Variants in B3GLCT observed in about 807,000 individuals in gnomAD.
The protein encoded by B3GLCT is beta 3-glucosyltransferase, also known as beta-1,3-glucosyltransferase.
A neutral mutation model predicts 63.4 loss-of-function variants in B3GLCT; 65 were observed. The ratio of observed to expected loss-of-function variants is 1.03; its 90% CI spans 0.84 to 1.26. The LOEUF (loss-of-function observed/expected upper bound fraction) is 1.26, where lower values mean the gene tolerates loss of function less well. Ranked by LOEUF, B3GLCT falls within the 50% of genes most tolerant of loss-of-function variation. The probability of loss-of-function intolerance (pLI) is 0.00; values close to 1 mark genes in which losing one functional copy is unlikely to be tolerated. For synonymous variants in B3GLCT, 233 were observed against 219.2 expected (o/e 1.06, Z -0.55); for missense variants, 577 against 604.8 (o/e 0.95, Z 0.48).
At chr13:31,219,751 AAG>A (rs1298148487) in intron 2 of B3GLCT, among the ~76,000 whole-genome samples, 1 of 152,242 alleles carries the variant, frequency 6.6e-6, no homozygotes, top group East Asian at 1.9e-4. Context: ...CTGATAAGAC[AAG>A]AACAATTCCT....
intron 12 of B3GLCT, among the ~76,000 whole-genome samples, chr13:31,292,047 G>T (rs1873686944): frequency 6.6e-6 from 1 of 152,078 alleles, no homozygotes; most frequent in Non-Finnish European, 1.5e-5. Context: ...TTTATCGAAG[G>T]CCTTTTTGCA....
intron 12 of B3GLCT, among the ~76,000 whole-genome samples, chr13:31,298,464 G>A (rs1319767117): frequency 2.0e-5 from 3 of 152,146 alleles, no homozygotes; most frequent in Admixed American, 6.5e-5. Context: ...GAGCGGTCTT[G>A]GCAAACAAAT....
At chr13:31,245,692 T>G (rs1871167944) in intron 4 of B3GLCT, among the ~76,000 whole-genome samples, 1 of 152,230 alleles carries the variant, frequency 6.6e-6, no homozygotes, top group African/African-American at 2.4e-5. Flanking sequence ...TTACCCATAA[T>G]TATTCCAAAG....
intron 12 of B3GLCT, among the ~76,000 whole-genome samples, chr13:31,316,411 A>ATATATATG (rs1875023724): frequency 1.1e-5 from 1 of 94,926 alleles, no homozygotes; most frequent in Non-Finnish European, 2.2e-5. Flanking sequence ...GAGGTTTTAT[A>ATATATATG]TATATATATA....
At chr13:31,289,338 T>A (rs936081026) in intron 12 of B3GLCT, among the ~76,000 whole-genome samples, 1 of 152,090 alleles carries the variant, frequency 6.6e-6, no homozygotes, top group South Asian at 2.1e-4. Context: ...AGGACATAAT[T>A]GATGAAAATG....
At chr13:31,291,162 G>T (rs902901329) in intron 12 of B3GLCT, among the ~76,000 whole-genome samples, 3 of 152,138 alleles carry the variant, frequency 2.0e-5, no homozygotes, top group African/African-American at 7.2e-5. Context: ...TAGATGTGTG[G>T]CATTATTTCT....
At chr13:31,261,113 C>T (rs1274605090) in intron 7 of B3GLCT, 31 bp downstream of exon 7, 8 of 1,519,876 alleles carry the variant, frequency 5.3e-6, no homozygotes, top group African/African-American at 3.0e-5. Flanking sequence ...TTTCGGGGGG[C>T]GGGAGGGGTG....
chr13:31,319,397 C>CCAGCCTCCTAAACTA (rs1875216535), intron 13 of B3GLCT, among the ~76,000 whole-genome samples: 2 of 33,480 alleles, frequency 6.0e-5, no homozygotes, highest in Non-Finnish European at 2.3e-4. Context: ...GTCATAAACT[C>CCAGCCTCCTAAACTA]CCAGCCTCCT....
intron 6 of B3GLCT, among the ~76,000 whole-genome samples, chr13:31,253,734 A>G (rs1259118058): frequency 3.9e-5 from 6 of 152,198 alleles, no homozygotes; most frequent in Admixed American, 6.5e-5. Context: ...AAAAAAATCA[A>G]TGAATCCAGG....
chr13:31,270,341 A>G (rs1160786633), intron 8 of B3GLCT, among the ~76,000 whole-genome samples: 2 of 152,254 alleles, frequency 1.3e-5, no homozygotes, highest in Non-Finnish European at 2.9e-5. Flanking sequence ...CTGACTTCTC[A>G]GCTGTCTTTA....
intron 9 of B3GLCT, among the ~76,000 whole-genome samples, chr13:31,275,903 G>A (rs1023820785): frequency 6.6e-6 from 1 of 152,160 alleles, no homozygotes; most frequent in Non-Finnish European, 1.5e-5. Flanking sequence ...ATGCTTGCTT[G>A]CTCTTTCAGT....
At chr13:31,243,192 A>C (rs902973523) in intron 4 of B3GLCT, among the ~76,000 whole-genome samples, 20 of 152,246 alleles carry the variant, frequency 1.3e-4, no homozygotes, top group Non-Finnish European at 1.5e-5. Flanking sequence ...AGTTTTTTAG[A>C]ACCTTTGCCT....
rs1426612980 is a variant in B3GLCT at position 31,265,853 on chromosome 13, TAGCTAGGAAGTGGGACTGAAAAAGTC to T, written c.597-3349_597-3324del. Reference sequence around the variant, plus strand: ...AGCCTGGAAGTGGGACTGAAAAAGTTAGCTAGGAAGTGGGACTGAAAAAGTCAGCTAGGAAGTAGAATTGAAAAAGT... The same window carrying T: ...AGCCTGGAAGTGGGACTGAAAAAGTTAGCTAGGAAGTAGAATTGAAAAAGT... On this transcript the variant is annotated intron_variant, in intron 7 of 14. Transcript: ENST00000343307. 1.2e-4 allele frequency among the ~76,000 whole-genome samples: 19 copies of T among 152,158 alleles called. No homozygotes were observed. In the South Asian group the frequency reaches 2.3e-3, roughly 18 times the overall value.
At chr13:31,239,216 G>T (rs1412952908) in intron 4 of B3GLCT, among the ~76,000 whole-genome samples, 1 of 152,210 alleles carries the variant, frequency 6.6e-6, no homozygotes, top group Non-Finnish European at 1.5e-5. Context: ...TGAGAGTGGG[G>T]ATGTGGCTGA....
At chr13:31,274,468 C>G in intron 8 of B3GLCT, 41 bp from the exon 9 acceptor site, 1 of 1,613,972 alleles carries the variant, frequency 6.2e-7, no homozygotes, top group South Asian at 1.1e-5. Context: ...CTTGTGTTGA[C>G]TGAGTTCTTT....
rs139271748 is a variant in B3GLCT at position 31,206,940 on chromosome 13, C to G, written c.70+6786C>G. On this transcript the variant is annotated intron_variant, in intron 1 of 14. Transcript: ENST00000343307. ...TCATTTGGCAAATTTTTAAATGCTG[C>G]TGAGGAGACCATAGTCCGTGGAGCA... is the stretch of plus-strand genomic sequence containing the variant. Among the ~76,000 whole-genome samples the G allele has an allele frequency of 2.8e-4, 43 of 152,262 alleles. No individual in the cohort carries two copies. The East Asian group carries it at 7.5e-3, about 27-fold the overall frequency.
chr13:31,221,048 G>C (rs1410610618), intron 2 of B3GLCT, among the ~76,000 whole-genome samples: 2 of 152,250 alleles, frequency 1.3e-5, no homozygotes, highest in African/African-American at 4.8e-5. Flanking sequence ...GTGTGAGGAA[G>C]AGCATTGGGA....
In B3GLCT at chr13:31,300,604, G is replaced by A. The variant is rs150714245; in HGVS notation, c.1064+13785G>A. 2.3e-3 allele frequency among the ~76,000 whole-genome samples: 355 copies of A among 152,212 alleles called. 1 individual carries two copies. Among genetic ancestry groups the A allele is most frequent in the Non-Finnish European group, 4.0e-3 (269 of 68,014 alleles). On this transcript the variant is annotated intron_variant, in intron 12 of 14. Transcript: ENST00000343307. ...ATGAAGTCCTAGGGATGTGGAAACCGGTCCTTGTACAATGAATCTGGCTTT... is the reference window on the plus strand; with the variant it reads ...ATGAAGTCCTAGGGATGTGGAAACCAGTCCTTGTACAATGAATCTGGCTTT...
At chr13:31,242,140 A>G (rs1870981968) in intron 4 of B3GLCT, among the ~76,000 whole-genome samples, 2 of 152,138 alleles carry the variant, frequency 1.3e-5, no homozygotes, top group Non-Finnish European at 2.9e-5. Flanking sequence ...CCTATACCTC[A>G]GTTCTGAGGG....
Sources: gnomAD v4.1 joint callset for allele counts (sites outside exome capture counted in the v4.1 genomes callset) on GRCh38, gnomAD v4.1.1 for gene constraint, MANE v1.5 for transcripts, NCBI Gene and HGNC (gene_info 2026-07-23, HGNC 2026-07-21) for gene names.